Variants in NLGN1 observed in about 807,000 individuals in gnomAD.
NLGN1 encodes neuroligin-1.
A neutral mutation model predicts 65.5 loss-of-function variants in NLGN1; 12 were observed. That is an observed-to-expected ratio of 0.18 (90% CI 0.12 to 0.30). NLGN1 has a LOEUF of 0.30. Among genes scored for constraint, NLGN1 ranks in the 10% least tolerant of loss-of-function variants. The pLI is 1.00. For missense variants in NLGN1, 750 were observed against 1,007.1 expected (o/e 0.74, Z 3.46); for synonymous variants, 350 against 359.5 (o/e 0.97, Z 0.30).
intron 4 of NLGN1, among the ~76,000 whole-genome samples, chr3:174,230,828 G>C (rs1334895011): frequency 6.6e-6 from 1 of 152,170 alleles, no homozygotes; most frequent in Non-Finnish European, 1.5e-5. Context: ...ACATTTATAA[G>C]AGAAACTATT....
At chr3:173,854,917 T>C (rs1441045909) in intron 4 of NLGN1, among the ~76,000 whole-genome samples, 3 of 152,126 alleles carry the variant, frequency 2.0e-5, no homozygotes, top group African/African-American at 7.2e-5. Context: ...AAAATCATAC[T>C]ACAAGATACA....
chr3:173,971,700 G>T (rs180867031), intron 4 of NLGN1, among the ~76,000 whole-genome samples: 1 of 152,002 alleles, frequency 6.6e-6, no homozygotes, highest in African/African-American at 2.4e-5. Context: ...GGACCATTAC[G>T]TGGGTTCCTT....
chr3:173,489,757 A>C (rs1481034235), intron 2 of NLGN1, among the ~76,000 whole-genome samples: 4 of 151,728 alleles, frequency 2.6e-5, no homozygotes, highest in Non-Finnish European at 5.9e-5. Flanking sequence ...TTGTTTCCTG[A>C]CTTTTTAATG....
intron 3 of NLGN1, among the ~76,000 whole-genome samples, chr3:173,724,307 G>C (rs896825712): frequency 6.6e-6 from 1 of 152,076 alleles, no homozygotes; most frequent in Non-Finnish European, 1.5e-5. Context: ...ACGGAGTCTC[G>C]CTCTGTTGCC....
At chr3:173,508,707 GT>G (rs1346042764) in intron 2 of NLGN1, among the ~76,000 whole-genome samples, 1 of 152,062 alleles carries the variant, frequency 6.6e-6, no homozygotes, top group Non-Finnish European at 1.5e-5. Flanking sequence ...GCAACCTTGA[GT>G]TTTTGTCCTG....
intron 3 of NLGN1, among the ~76,000 whole-genome samples, chr3:173,714,824 G>A (rs1769575785): frequency 6.6e-6 from 1 of 152,118 alleles, no homozygotes; most frequent in South Asian, 2.1e-4. Context: ...GCAACTGGTA[G>A]AAGAAAAGGA....
Position 174,118,581 on chromosome 3 carries a change from G to A in NLGN1, c.647-156734G>A, listed in dbSNP as rs542129672. Among the ~76,000 whole-genome samples, 13 of 152,242 alleles carry A rather than the reference G, an allele frequency of 8.5e-5. No homozygotes were observed. The South Asian group carries it at 2.7e-3, about 32-fold the overall frequency. ...AATGTATTCACTTGTGGTAGAGAAGGAGCTAGTGAGGAAACATCTCACCAA... is the reference window on the plus strand; with the variant it reads ...AATGTATTCACTTGTGGTAGAGAAGAAGCTAGTGAGGAAACATCTCACCAA... On this transcript the variant is annotated intron_variant, in intron 4 of 6. Coordinates refer to ENST00000457714, the Ensembl canonical transcript of NLGN1.
chr3:173,788,280 T>C (rs1236362892), intron 3 of NLGN1, among the ~76,000 whole-genome samples: 1 of 151,194 alleles, frequency 6.6e-6, no homozygotes, highest in Non-Finnish European at 1.5e-5. Context: ...AAATATATAG[T>C]GACTAAATAT....
chr3:173,499,867 G>A (rs1050416393), intron 2 of NLGN1, among the ~76,000 whole-genome samples: 7 of 151,680 alleles, frequency 4.6e-5, no homozygotes, highest in East Asian at 1.9e-4. Flanking sequence ...GTCTGTTATT[G>A]GTGTATAAGA....
At chr3:173,779,586 A>T (rs1218862054) in intron 3 of NLGN1, among the ~76,000 whole-genome samples, 2 of 152,108 alleles carry the variant, frequency 1.3e-5, no homozygotes, top group Non-Finnish European at 2.9e-5. Flanking sequence ...TTTTCTTTGG[A>T]TATTTAAAGT....
At chr3:173,822,477 T>C (rs1027107178) in intron 4 of NLGN1, among the ~76,000 whole-genome samples, 2 of 152,206 alleles carry the variant, frequency 1.3e-5, no homozygotes, top group Non-Finnish European at 2.9e-5. Flanking sequence ...AAATCTAATA[T>C]CTGAAATGCT....
At chr3:174,120,480 C>A (rs1347768009) in intron 4 of NLGN1, among the ~76,000 whole-genome samples, 1 of 151,834 alleles carries the variant, frequency 6.6e-6, no homozygotes, top group East Asian at 1.9e-4. Context: ...GCACCCCAGC[C>A]TGGGTGACAG....
rs150200863 is a variant in NLGN1 at position 173,941,714 on chromosome 3, C to T, written c.646+133882C>T. Among the ~76,000 whole-genome samples, 1,233 of 151,056 alleles carry T rather than the reference C, an allele frequency of 8.2e-3. 20 individuals carry two copies. Among genetic ancestry groups the T allele is most frequent in the African/African-American group, 0.029 (1,176 of 41,160 alleles). ...TATAGTGTGTATATATATATAAATA[C>T]TATATATTTGTAGAAAAACTGTGTT... On this transcript the variant is annotated intron_variant, in intron 4 of 6. Transcript: ENST00000457714.
chr3:173,998,871 C>CA (rs1722758892), intron 4 of NLGN1, among the ~76,000 whole-genome samples: 1 of 152,196 alleles, frequency 6.6e-6, no homozygotes, highest in Non-Finnish European at 1.5e-5. Flanking sequence ...CCTCCAACTT[C>CA]ATGCTGAATG....
intron 3 of NLGN1, among the ~76,000 whole-genome samples, chr3:173,688,569 AG>A (rs1471481925): frequency 1.3e-5 from 2 of 152,218 alleles, no homozygotes; most frequent in Non-Finnish European, 2.9e-5. Context: ...TTACTGTCTC[AG>A]TCATTAAAAT....
intron 3 of NLGN1, among the ~76,000 whole-genome samples, chr3:173,652,140 T>G (rs1759296506): frequency 6.6e-6 from 1 of 152,162 alleles, no homozygotes; most frequent in African/African-American, 2.4e-5. Flanking sequence ...ATTGTTGAGT[T>G]TGAGTTTCTT....
chr3:173,753,970 A>ATAATAG (rs1776693821), intron 3 of NLGN1, among the ~76,000 whole-genome samples: 1 of 44,956 alleles, frequency 2.2e-5, no homozygotes, highest in East Asian at 1.9e-3. Flanking sequence ...ATAATATAAT[A>ATAATAG]TAATATCTAC....
intron 2 of NLGN1, among the ~76,000 whole-genome samples, chr3:173,538,533 T>C (rs1417709282): frequency 6.6e-6 from 1 of 152,208 alleles, no homozygotes; most frequent in East Asian, 1.9e-4. Context: ...TATATTTCAA[T>C]AAGGACAAAA....
chr3:174,268,134 T>G (rs956427055), intron 4 of NLGN1, among the ~76,000 whole-genome samples: 2 of 152,172 alleles, frequency 1.3e-5, no homozygotes, highest in African/African-American at 2.4e-5. Flanking sequence ...GCACTATGTC[T>G]TTAAATCACA....
Sources: gnomAD v4.1 joint callset for allele counts (sites outside exome capture counted in the v4.1 genomes callset) on GRCh38, gnomAD v4.1.1 for gene constraint, MANE v1.5 for transcripts, NCBI Gene and HGNC (gene_info 2026-07-23, HGNC 2026-07-21) for gene names.